RAB3IP: variants seen among roughly 807,000 people sequenced by gnomAD.
RAB3IP encodes the protein RAB3A interacting protein.
Under a neutral mutation model 59.1 loss-of-function variants are expected in RAB3IP, and 36 were observed. The ratio of observed to expected loss-of-function variants is 0.61; its 90% CI spans 0.47 to 0.80. The LOEUF (loss-of-function observed/expected upper bound fraction) is 0.80, where lower values mean the gene tolerates loss of function less well. RAB3IP is among the 30% of genes least tolerant of loss of function. RAB3IP has a pLI of 0.00. For missense variants in RAB3IP, 511 were observed against 536.0 expected (o/e 0.95, Z 0.46); for synonymous variants, 207 against 191.2 (o/e 1.08, Z -0.68).
intron 1 of RAB3IP, among the ~76,000 whole-genome samples, chr12:69,749,890 G>C (rs1306558623): frequency 6.6e-6 from 1 of 152,182 alleles, no homozygotes; most frequent in East Asian, 1.9e-4. Flanking sequence ...TCTTTCCCCA[G>C]ATCCTGGCAC....
chr12:69,769,636 G>T (rs1368506256), intron 3 of RAB3IP, among the ~76,000 whole-genome samples: 4 of 152,058 alleles, frequency 2.6e-5, no homozygotes, highest in African/African-American at 9.7e-5. Context: ...ACCATCATGG[G>T]GAAGCAGAAA....
chr12:69,790,263 G>A (rs1021938796), intron 4 of RAB3IP, among the ~76,000 whole-genome samples: 4 of 152,180 alleles, frequency 2.6e-5, no homozygotes, highest in African/African-American at 7.2e-5. Context: ...TGGACAACCA[G>A]TTACCTGAAA....
rs961847576 is a variant in RAB3IP at position 69,767,764 on chromosome 12, G to T, written c.510+11101G>T. On this transcript the variant is annotated intron_variant, in intron 3 of 10. Coordinates refer to ENST00000247833, the MANE Select transcript of RAB3IP (RefSeq NM_022456.5). ...CATACAGGTGCTTTGAATGCCTGGA[G>T]ATCTGCCTGGGCATGTGACAGAACC... is the stretch of plus-strand genomic sequence containing the variant. Among the ~76,000 whole-genome samples, 6 of 152,204 alleles carry T rather than the reference G, an allele frequency of 3.9e-5. No homozygotes were observed. The East Asian group carries it at 7.7e-4, about 20-fold the overall frequency.
intron 1 of RAB3IP, among the ~76,000 whole-genome samples, chr12:69,745,430 G>A (rs1303632917): frequency 6.8e-6 from 1 of 146,616 alleles, no homozygotes; most frequent in Non-Finnish European, 1.5e-5. Context: ...TTTATGTGCT[G>A]TTTTTTTTTT....
intron 3 of RAB3IP, among the ~76,000 whole-genome samples, chr12:69,764,246 G>A (rs1018567348): frequency 6.6e-6 from 1 of 151,938 alleles, no homozygotes; most frequent in Non-Finnish European, 1.5e-5. Context: ...CTTATTCCTA[G>A]GTTGTTTTCT....
intron 3 of RAB3IP, among the ~76,000 whole-genome samples, chr12:69,759,430 A>C (rs1425557970): frequency 6.6e-6 from 1 of 151,276 alleles, no homozygotes; most frequent in Non-Finnish European, 1.5e-5. Flanking sequence ...TCTTTTCCCC[A>C]CCTTTCCCCC....
intron 4 of RAB3IP, among the ~76,000 whole-genome samples, chr12:69,790,724 A>G (rs577051765): frequency 9.2e-4 from 140 of 152,162 alleles, no homozygotes; most frequent in Non-Finnish European, 1.5e-3. Flanking sequence ...AGCTGGGATT[A>G]CAGGTGTGCA....
At chr12:69,748,923 G>A (rs1221295674) in intron 1 of RAB3IP, among the ~76,000 whole-genome samples, 1 of 152,156 alleles carries the variant, frequency 6.6e-6, no homozygotes, top group Non-Finnish European at 1.5e-5. Context: ...AATTTTATGT[G>A]CTTGAAAAAG....
chr12:69,769,675 A>G (rs1872783960), intron 3 of RAB3IP, among the ~76,000 whole-genome samples: 1 of 152,244 alleles, frequency 6.6e-6, no homozygotes. Context: ...TTGAATAACC[A>G]AAGTACTCAA....
chr12:69,801,462 A>G, intron 7 of RAB3IP, 147 bp from the exon 8 acceptor site: 1 of 468,172 alleles, frequency 2.1e-6, no homozygotes, highest in East Asian at 3.5e-5. Flanking sequence ...TCAAACCAAA[A>G]TTATCTGATT....
rs149351457 is a variant in RAB3IP, at chr12:69,763,284, C to T, written c.510+6621C>T. Reference sequence around the variant, plus strand: ...GCAGGAACATTGTTGTGGTGGAGAACGACTCTGGTGAAGCTCTCTTGGGCA... The same window carrying T: ...GCAGGAACATTGTTGTGGTGGAGAATGACTCTGGTGAAGCTCTCTTGGGCA... On this transcript the variant is annotated intron_variant, in intron 3 of 10. Transcript: ENST00000247833. Among the ~76,000 whole-genome samples, 683 of 152,282 alleles carry T rather than the reference C, an allele frequency of 4.5e-3. 5 individuals carry two copies. Among genetic ancestry groups the T allele is most frequent in the African/African-American group, 0.016 (653 of 41,554 alleles).
chr12:69,768,587 T>C (rs565955021), intron 3 of RAB3IP, among the ~76,000 whole-genome samples: 25 of 152,240 alleles, frequency 1.6e-4, no homozygotes, highest in African/African-American at 5.5e-4. Flanking sequence ...AGGACTCCAC[T>C]GCACCGCGAT....
intron 1 of RAB3IP, among the ~76,000 whole-genome samples, chr12:69,745,913 C>G (rs1253764199): frequency 6.6e-6 from 1 of 152,150 alleles, no homozygotes; most frequent in Non-Finnish European, 1.5e-5. Context: ...AGCTCTGTTA[C>G]TTTTTGTGTA....
chr12:69,742,110 T>A (rs1413809955), intron 1 of RAB3IP, among the ~76,000 whole-genome samples: 1 of 152,234 alleles, frequency 6.6e-6, no homozygotes, highest in Admixed American at 6.5e-5. Context: ...TTAATGAATG[T>A]CAACTAAGAC....
intron 1 of RAB3IP, among the ~76,000 whole-genome samples, chr12:69,742,848 T>C (rs1030308165): frequency 3.9e-5 from 6 of 152,176 alleles, no homozygotes; most frequent in Admixed American, 2.6e-4. Context: ...TACATAGTCA[T>C]GGTTAGAGAA....
At chr12:69,772,451 C>T (rs949171514) in intron 3 of RAB3IP, among the ~76,000 whole-genome samples, 1 of 152,110 alleles carries the variant, frequency 6.6e-6, no homozygotes, top group African/African-American at 2.4e-5. Flanking sequence ...AATTTTGGTA[C>T]TTCTTTTATA....
Position 69,800,262 on chromosome 12 carries a change from G to A in RAB3IP, c.942G>A (p.Met314Ile). 1 of 1,597,416 alleles carries A rather than the reference G, an allele frequency of 6.3e-7. No individual in the cohort carries two copies. The highest frequency in any genetic ancestry group is 1.7e-5 in the Admixed American group (1 of 57,682). Residue 314 changes from methionine (M) to isoleucine (I), a missense_variant, in exon 7 of 11, where the codon ATG (methionine) becomes ATA (isoleucine). Physicochemically the swap from Met to Ile is conservative, Grantham distance 10. Coordinates refer to ENST00000247833, the MANE Select transcript of RAB3IP (RefSeq NM_022456.5). ...GATTGTGGAAGGATGAGCCCACAAT[G>A]GACAGGACGTGTCCTTTCTTAGACA... ...EFRLWKDEPT[M>I]DRTCPFLDKI...
rs548327211 is a variant in RAB3IP, at chr12:69,807,593, C to T, written c.1131-5185C>T. Among the ~76,000 whole-genome samples, 16 of 149,616 alleles carry T rather than the reference C, an allele frequency of 1.1e-4. No homozygotes were observed. In the East Asian group the frequency reaches 2.0e-3, roughly 19 times the overall value. ...GACAGGGCGGCCGGACAGAGGCGCT[C>T]GCTTCCTAGATGGGGCGGCCGGGCA... On this transcript the variant is annotated intron_variant, in intron 8 of 10. Transcript: ENST00000247833.
intron 8 of RAB3IP, among the ~76,000 whole-genome samples, chr12:69,811,244 T>C (rs11177876): frequency 0.15 from 23,447 of 151,902 alleles, 2,744 homozygotes; most frequent in East Asian, 0.41. Context: ...GGGTGGAGGA[T>C]GGGAAGAGGG....
Sources: gnomAD v4.1 joint callset for allele counts (sites outside exome capture counted in the v4.1 genomes callset) on GRCh38, gnomAD v4.1.1 for gene constraint, MANE v1.5 for transcripts, NCBI Gene and HGNC (gene_info 2026-07-23, HGNC 2026-07-21) for gene names.